SNRPN: variants seen among roughly 807,000 people sequenced by gnomAD.
The protein encoded by SNRPN is small nuclear ribonucleoprotein polypeptide N.
In SNRPN, 7 loss-of-function variants were observed where a neutral mutation model predicts 25.2. The observed-to-expected ratio is 0.28, with a 90% CI of 0.16 to 0.52. SNRPN has a LOEUF of 0.52. Ranked by LOEUF, SNRPN falls within the 20% of genes least tolerant of loss-of-function variation. The pLI is 0.96. For synonymous variants in SNRPN, 124 were observed against 110.6 expected, an observed-to-expected ratio of 1.12 and a Z score of -0.76; for missense variants, 196 against 322.5, an observed-to-expected ratio of 0.61 and a Z score of 3.00.
intron 1 of SNRPN, among the ~76,000 whole-genome samples, chr15:24,878,956 T>C (rs182660022): frequency 6.6e-6 from 1 of 152,204 alleles, no homozygotes; most frequent in East Asian, 1.9e-4. Flanking sequence ...CCCAGAGTTT[T>C]AGTATCTCCT....
chr15:24,898,390 C>A (rs1185527307), intron 2 of SNRPN, among the ~76,000 whole-genome samples: 1 of 152,006 alleles, frequency 6.6e-6, no homozygotes, highest in Non-Finnish European at 1.5e-5. Flanking sequence ...GAGATCGAGA[C>A]CATCCTGGCC....
chr15:24,889,565 A>G (rs544265988), intron 2 of SNRPN, among the ~76,000 whole-genome samples: 66 of 150,614 alleles, frequency 4.4e-4, no homozygotes, highest in African/African-American at 1.4e-3. Context: ...TCGGCCTCCC[A>G]AAGTGCTGGG....
chr15:24,910,280 A>G (rs1043368800), intron 2 of SNRPN, among the ~76,000 whole-genome samples: 2 of 152,186 alleles, frequency 1.3e-5, no homozygotes, highest in Non-Finnish European at 2.9e-5. Context: ...TTAACTGCTT[A>G]TAGTAAACTG....
intron 2 of SNRPN, among the ~76,000 whole-genome samples, chr15:24,832,517 G>A (rs557329495): frequency 6.6e-6 from 1 of 151,914 alleles, no homozygotes; most frequent in Non-Finnish European, 1.5e-5. Context: ...ATTGAGGGGA[G>A]GATTGAAAAA....
chr15:24,879,875 C>T (rs1595654481), intron 1 of SNRPN, among the ~76,000 whole-genome samples: 2 of 152,166 alleles, frequency 1.3e-5, no homozygotes, highest in South Asian at 4.1e-4. Flanking sequence ...ACTGTTCTGT[C>T]TGGTGTTGGG....
chr15:24,876,069 A>G, intron 1 of SNRPN, among the ~76,000 whole-genome samples: 1 of 151,306 alleles, frequency 6.6e-6, no homozygotes. Context: ...AAAAAGAAAA[A>G]AAACAAAAAA....
At chr15:24,970,808 G>GT (rs1311281509) in intron 3 of SNRPN, among the ~76,000 whole-genome samples, 11 of 151,918 alleles carry the variant, frequency 7.2e-5, no homozygotes, top group African/African-American at 2.7e-4. Context: ...GTATTCTGGT[G>GT]TTTTTTTGTT....
At position 24,871,881 on chromosome 15, in the gene SNRPN, ACT is replaced by A. The variant is rs2055160803; in HGVS notation, c.-578-14634_-578-14633del. 1.7e-5 allele frequency among the ~76,000 whole-genome samples: 2 copies of A among 116,278 alleles called. 1 individual carries two copies. Among genetic ancestry groups the A allele is most frequent in the Non-Finnish European group, 3.7e-5 (2 of 53,528 alleles). The allele number at this position is 116,278 out of a possible 152,430, so 76.3% of individuals were successfully genotyped here. A position where few individuals can be genotyped will look rare whatever the true frequency, so the allele number is the denominator to read the frequency against. On this transcript the variant is annotated intron_variant, in intron 1 of 11. Transcript: ENST00000400097. Reference sequence around the variant, plus strand: ...CACCACGCCTGGCTAATTTTTTTGTACTTTTAGCAGAGACGGGGTTTCACCAT... The same window carrying A: ...CACCACGCCTGGCTAATTTTTTTGTATTTAGCAGAGACGGGGTTTCACCAT...
At chr15:24,878,306 A>C (rs902048448) in intron 1 of SNRPN, among the ~76,000 whole-genome samples, 3 of 152,178 alleles carry the variant, frequency 2.0e-5, no homozygotes, top group Non-Finnish European at 2.9e-5. Flanking sequence ...CACCGCTGCC[A>C]CGCAGCCCGC....
intron 1 of SNRPN, among the ~76,000 whole-genome samples, chr15:24,959,846 G>A (rs986600766): frequency 6.6e-6 from 1 of 152,154 alleles, no homozygotes; most frequent in Non-Finnish European, 1.5e-5. Flanking sequence ...CGTATAATAC[G>A]TTTAATACAA....
At chr15:24,827,961 G>C (rs2050222485) in intron 1 of SNRPN, among the ~76,000 whole-genome samples, 1 of 151,948 alleles carries the variant, frequency 6.6e-6, no homozygotes, top group Non-Finnish European at 1.5e-5. Context: ...CAATCTTATG[G>C]GACCAGCAAC....
chr15:24,912,112 T>C (rs150960154), intron 2 of SNRPN, among the ~76,000 whole-genome samples: 1 of 152,322 alleles, frequency 6.6e-6, no homozygotes, highest in Non-Finnish European at 1.5e-5. Flanking sequence ...TGAAGTTATG[T>C]GGGACATGTT....
chr15:24,957,641 A>G (rs903956953), intron 1 of SNRPN, among the ~76,000 whole-genome samples: 4 of 152,224 alleles, frequency 2.6e-5, no homozygotes, highest in African/African-American at 9.6e-5. Flanking sequence ...AGTTAAATCT[A>G]CGAAGCCCGA....
intron 2 of SNRPN, among the ~76,000 whole-genome samples, chr15:24,966,220 A>G (rs2075608796): frequency 6.6e-6 from 1 of 152,174 alleles, no homozygotes; most frequent in Admixed American, 6.5e-5. Context: ...ATTTTCTCAG[A>G]CTTTATAATT....
chr15:24,917,388 A>G (rs17114848), intron 2 of SNRPN, among the ~76,000 whole-genome samples: 24,041 of 152,202 alleles, frequency 0.16, 2,146 homozygotes, highest in South Asian at 0.24. Context: ...TAATTATTTT[A>G]AAACTCCTAT....
At chr15:24,854,896 C>CGG (rs2053242074), upstream of SNRPN, among the ~76,000 whole-genome samples, 1 of 151,676 alleles carries the variant, frequency 6.6e-6, no homozygotes, top group Non-Finnish European at 1.5e-5. Context: ...TCACCATACT[C>CGG]GGGAGGCTGA....
At chr15:24,896,511 C>T (rs1279271393) in intron 2 of SNRPN, among the ~76,000 whole-genome samples, 3 of 146,008 alleles carry the variant, frequency 2.1e-5, no homozygotes, top group Non-Finnish European at 4.4e-5. Context: ...GAGATCGAGA[C>T]CCCCCCGCCG....
chr15:24,877,508 T>G (rs1330075569), intron 1 of SNRPN, among the ~76,000 whole-genome samples: 1 of 152,216 alleles, frequency 6.6e-6, no homozygotes, highest in African/African-American at 2.4e-5. Context: ...TTAAACATAA[T>G]GCATAGATGC....
At chr15:24,927,474 AAATTTTTTTTTTTTTTTTTTTTTTT>A (rs1566921425) in intron 3 of SNRPN, among the ~76,000 whole-genome samples, 1 of 6,852 alleles carries the variant, frequency 1.5e-4, no homozygotes, top group Non-Finnish European at 3.3e-4. Context: ...TAAAGTTTTT[AAATTTTTTTTTTTTTTTTTTTTTTT>A]TTTTTTTTTT....
Sources: allele counts gnomAD v4.1 joint callset (sites outside exome capture counted in the v4.1 genomes callset), GRCh38; gene constraint gnomAD v4.1.1; transcripts MANE v1.5; gene names NCBI Gene and HGNC (gene_info 2026-07-23, HGNC 2026-07-21).